The following HDAC9 variants were observed in gnomAD, a reference collection of about 807,000 sequenced individuals.
HDAC9 encodes the protein histone deacetylase 9.
In HDAC9, 41 loss-of-function variants were observed where a neutral mutation model predicts 139.4. The observed-to-expected ratio is 0.29, with a 90% CI of 0.23 to 0.38. HDAC9 has a LOEUF of 0.38. HDAC9 is among the 10% of genes least tolerant of loss of function. The probability of loss-of-function intolerance (pLI) is 1.00; values close to 1 mark genes in which losing one functional copy is unlikely to be tolerated. For missense variants in HDAC9, 1,147 were observed against 1,297.0 expected (o/e 0.88, Z 1.78); for synonymous variants, 517 against 476.2 (o/e 1.09, Z -1.12).
At chr7:18,178,185 G>C (rs1403547905) in intron 2 of HDAC9, among the ~76,000 whole-genome samples, 1 of 151,946 alleles carries the variant, frequency 6.6e-6, no homozygotes, top group East Asian at 1.9e-4. Context: ...CCTAGTTCAA[G>C]CAATTCCCTT....
intron 1 of HDAC9, among the ~76,000 whole-genome samples, chr7:18,370,920 C>G (rs1221635571): frequency 6.6e-6 from 1 of 152,252 alleles, no homozygotes; most frequent in East Asian, 1.9e-4. Context: ...CTCCTAAGCA[C>G]TGAAACTGTC....
intron 16 of HDAC9, among the ~76,000 whole-genome samples, chr7:18,768,944 T>A (rs1164645702): frequency 6.6e-6 from 1 of 152,222 alleles, no homozygotes; most frequent in Non-Finnish European, 1.5e-5. Flanking sequence ...AGGCTTTGTG[T>A]TAGATGCTTT....
chr7:18,401,083 G>T (rs28618288), intron 1 of HDAC9, among the ~76,000 whole-genome samples: 3,336 of 152,192 alleles, frequency 0.022, 132 homozygotes, highest in African/African-American at 0.076. Flanking sequence ...TTTTTGTTCA[G>T]CTTTCATTAC....
chr7:18,352,760 T>G (rs11520752), intron 1 of HDAC9, among the ~76,000 whole-genome samples: 14,614 of 151,962 alleles, frequency 0.096, 817 homozygotes, highest in Middle Eastern at 0.17. Context: ...AGCTGGCTGA[T>G]GTTTGTTTTT....
At chr7:18,182,117 C>T (rs1046936401) in intron 2 of HDAC9, among the ~76,000 whole-genome samples, 1 of 152,114 alleles carries the variant, frequency 6.6e-6, no homozygotes, top group South Asian at 2.1e-4. Context: ...AAGATCTAGG[C>T]ACCAATTCTC....
intron 2 of HDAC9, among the ~76,000 whole-genome samples, chr7:18,278,125 C>G (rs1796867341): frequency 6.6e-6 from 1 of 152,164 alleles, no homozygotes; most frequent in Admixed American, 6.5e-5. Flanking sequence ...CAGCTATGTT[C>G]CACTTCTGGA....
chr7:18,906,762 G>A (rs1452608660), intron 22 of HDAC9, among the ~76,000 whole-genome samples: 1 of 152,122 alleles, frequency 6.6e-6, no homozygotes, highest in Non-Finnish European at 1.5e-5. Context: ...CAGATTCCTT[G>A]TCTTAACAGC....
intron 21 of HDAC9, among the ~76,000 whole-genome samples, chr7:18,844,225 T>C (rs915860403): frequency 2.0e-5 from 3 of 152,286 alleles, no homozygotes; most frequent in African/African-American, 7.2e-5. Context: ...GTATTGGTTA[T>C]CTAAACATCT....
Position 18,378,606 on chromosome 7 carries a change from T to C in HDAC9, c.-42+88091T>C, listed in dbSNP as rs573483451. Among the ~76,000 whole-genome samples the C allele has an allele frequency of 2.2e-4, 34 of 152,198 alleles. No homozygotes were observed. The South Asian group carries it at 6.8e-3, about 31-fold the overall frequency. On this transcript the variant is annotated intron_variant, in intron 1 of 3. Coordinates refer to the HDAC9 transcript ENST00000413509. ...TGTTTACTAGAGCAAAGTGAAATTA[T>C]ATATACATATACATATAAATATATG... is the stretch of plus-strand genomic sequence containing the variant.
chr7:18,102,351 A>G (rs1037602963), intron 1 of HDAC9, among the ~76,000 whole-genome samples: 1 of 152,204 alleles, frequency 6.6e-6, no homozygotes, highest in Non-Finnish European at 1.5e-5. Flanking sequence ...TAAGCATGGC[A>G]AGAAGACTAG....
At chr7:18,136,654 T>G in intron 1 of HDAC9, among the ~76,000 whole-genome samples, 1 of 152,202 alleles carries the variant, frequency 6.6e-6, no homozygotes, top group Non-Finnish European at 1.5e-5. Flanking sequence ...TTGTGTTCCA[T>G]TGATCTATAT....
intron 2 of HDAC9, among the ~76,000 whole-genome samples, chr7:18,557,274 A>G (rs1055188050): frequency 2.0e-5 from 3 of 151,814 alleles, no homozygotes; most frequent in Non-Finnish European, 4.4e-5. Context: ...TGTAGGTCAA[A>G]GGAGATTCTG....
At chr7:18,359,094 G>A (rs1412047689) in intron 1 of HDAC9, among the ~76,000 whole-genome samples, 3 of 152,146 alleles carry the variant, frequency 2.0e-5, no homozygotes, top group South Asian at 4.1e-4. Flanking sequence ...AGTGGCTCAC[G>A]CCTGTAATCC....
chr7:18,160,872 T>C (rs949580628), intron 1 of HDAC9, among the ~76,000 whole-genome samples: 6 of 152,206 alleles, frequency 3.9e-5, no homozygotes, highest in African/African-American at 1.4e-4. Context: ...CCCACCTTGG[T>C]CTCCCAAAGG....
chr7:18,267,451 C>T (rs1796078213), intron 2 of HDAC9, among the ~76,000 whole-genome samples: 1 of 152,008 alleles, frequency 6.6e-6, no homozygotes, highest in South Asian at 2.1e-4. Flanking sequence ...CAGTCTCTTC[C>T]CCACAACACT....
intron 24 of HDAC9, among the ~76,000 whole-genome samples, chr7:18,966,431 G>A (rs1783853685): frequency 6.6e-6 from 1 of 152,118 alleles, no homozygotes; most frequent in East Asian, 1.9e-4. Context: ...GTCGGGAGCC[G>A]GTGGCTCACG....
chr7:18,510,801 C>T (rs1282733383), intron 2 of HDAC9, among the ~76,000 whole-genome samples: 2 of 152,038 alleles, frequency 1.3e-5, no homozygotes, highest in African/African-American at 4.8e-5. Flanking sequence ...TCTCTATGTA[C>T]AACTCTTCTA....
At chr7:18,839,178 T>C (rs867534746) in intron 21 of HDAC9, among the ~76,000 whole-genome samples, 9 of 152,156 alleles carry the variant, frequency 5.9e-5, no homozygotes, top group Middle Eastern at 3.4e-3. Context: ...TACCATTGTA[T>C]AAAATAATTA....
At chr7:18,630,852 G>A (rs902407607) in intron 7 of HDAC9, among the ~76,000 whole-genome samples, 5 of 152,174 alleles carry the variant, frequency 3.3e-5, no homozygotes, top group African/African-American at 1.2e-4. Context: ...TTGTTTTAAT[G>A]AATGTGAAGA....
Sources: gnomAD v4.1 joint callset for allele counts (sites outside exome capture counted in the v4.1 genomes callset) on GRCh38, gnomAD v4.1.1 for gene constraint, MANE v1.5 for transcripts, NCBI Gene and HGNC (gene_info 2026-07-23, HGNC 2026-07-21) for gene names.